The following SLC22A14 variants were observed in gnomAD, a reference collection of about 807,000 sequenced individuals.
SLC22A14 encodes organic cation transporter-like 4.
SLC22A14 carries 50 observed loss-of-function variants against 53.9 expected under a neutral mutation model. The observed-to-expected ratio is 0.93, with a 90% CI of 0.74 to 1.17. SLC22A14 has a LOEUF of 1.17. SLC22A14 is among the 50% of genes most tolerant of loss of function. SLC22A14 has a pLI of 0.00. For synonymous variants in SLC22A14, 312 were observed against 303.0 expected, an observed-to-expected ratio of 1.03 and a Z score of -0.31; for missense variants, 671 against 734.7, an observed-to-expected ratio of 0.91 and a Z score of 1.00.
rs1266009945 is a variant in SLC22A14 at position 38,313,747 on chromosome 3, A to G, written c.1184A>G (p.Tyr395Cys). ...SCVWFTVSYT[Y>C]FTLSLRMREL... ...TCCAGGTTTACCGTCAGTTACACCT[A>G]TTTTACGTTGAGCCTGAGAATGAGA... is the stretch of plus-strand genomic sequence containing the variant. Residue 395 changes from tyrosine to cysteine, a missense_variant, in exon 8 of 11, where the codon TAT becomes TGT. Tyr to Cys is a radical substitution (Grantham distance 194). Transcript: ENST00000448498. The G allele has an allele frequency of 1.9e-6, 3 of 1,576,250 alleles. No homozygotes were observed. The highest frequency in any genetic ancestry group is 2.4e-5 in the East Asian group (1 of 42,076).
Position 38,306,365 on chromosome 3 carries a change from T to C in SLC22A14, c.339T>C (p.Ala113=), listed in dbSNP as rs762225721. Residue 113 remains alanine, a synonymous_variant, in exon 2 of 11, where the codon GCT becomes GCC. Coordinates refer to ENST00000448498, the MANE Select transcript of SLC22A14 (RefSeq NM_001320033.2). ...CAGTGGGCCCCCACCTGTCCAAAGC[T>C]GAGCAGCTGAATCTGACCATACCCC... ...ILAVGPHLSK[A]EQLNLTIPQA... 3 of 1,614,098 alleles carry C rather than the reference T, an allele frequency of 1.9e-6. No homozygotes were observed. Among genetic ancestry groups the C allele is most frequent in the East Asian group, 2.2e-5 (1 of 44,884 alleles).
chr3:38,305,927 C>T (rs1704286332), intron 1 of SLC22A14, 100 bp from the exon 2 acceptor site: 1 of 1,234,982 alleles, frequency 8.1e-7, no homozygotes, highest in Non-Finnish European at 1.1e-6. Flanking sequence ...CATATTGCTT[C>T]AAGCCAGAGG....
At chr3:38,279,635 A>ATTTT (rs34353478), upstream of SLC22A14, among the ~76,000 whole-genome samples, 1 of 144,846 alleles carries the variant, frequency 6.9e-6, no homozygotes, top group African/African-American at 2.5e-5. Context: ...GGGGAGAAAG[A>ATTTT]TTTTTTTTTT....
At chr3:38,303,576 G>A (rs1438939556) in intron 1 of SLC22A14, among the ~76,000 whole-genome samples, 1 of 150,956 alleles carries the variant, frequency 6.6e-6, no homozygotes, top group Non-Finnish European at 1.5e-5. Flanking sequence ...TTCTATCCTC[G>A]TGGGTTAGAA....
chr3:38,303,369 G>A (rs1704215231), intron 1 of SLC22A14, among the ~76,000 whole-genome samples: 1 of 152,024 alleles, frequency 6.6e-6, no homozygotes, highest in Non-Finnish European at 1.5e-5. Flanking sequence ...AGCACTTAAA[G>A]CTATAAACTT....
At chr3:38,312,842 C>T (rs746296146) in intron 5 of SLC22A14, among the ~76,000 whole-genome samples, 157 bp from the exon 6 acceptor site, 8 of 152,166 alleles carry the variant, frequency 5.3e-5, no homozygotes. Flanking sequence ...CAGGGAGGAG[C>T]AGAGGGCAGC....
At chr3:38,286,359 C>T (rs1703791389) in intron 1 of SLC22A14, among the ~76,000 whole-genome samples, 1 of 152,114 alleles carries the variant, frequency 6.6e-6, no homozygotes, top group African/African-American at 2.4e-5. Context: ...GTTTGTAGGC[C>T]ACACGAGTTT....
chr3:38,307,940 G>A lies in SLC22A14; in HGVS notation c.775+220G>A, dbSNP rs945381152. 3.5e-6 allele frequency: 2 copies of A among 577,690 alleles called. No homozygotes were observed. Among genetic ancestry groups the A allele is most frequent in the South Asian group, 2.0e-5 (1 of 49,660 alleles). The allele number at this position is 577,690 out of a possible 1,614,324, so 35.8% of individuals were successfully genotyped here. ...GGGGCCTAATTGGACAGGCAGAAGT[G>A]GAAGGGATCTCCGTTCCTGGCTGCC... On this transcript the variant is annotated intron_variant, in intron 4 of 10. Coordinates refer to ENST00000448498, the MANE Select transcript of SLC22A14 (RefSeq NM_001320033.2). The surrounding 1 kb of genome is among the most constrained non-coding windows in gnomAD (Gnocchi z 4.4).
chr3:38,309,030 G>A lies in SLC22A14; in HGVS notation c.852G>A (p.Val284=). 1.9e-6 allele frequency: 3 copies of A among 1,614,090 alleles called. No individual in the cohort carries two copies. The highest frequency in any genetic ancestry group is 1.7e-6 in the Non-Finnish European group (2 of 1,179,904). The change falls in exon 5 of 11, where the codon GTG becomes GTA. Residue 284 remains valine (V), a synonymous_variant. Transcript: ENST00000448498. ...ACTGCTTTTTCGCTGTTGGGGCCGT[G>A]TTGCTGACAGGGATCGCCTACAGTC... ...LGHCFFAVGA[V]LLTGIAYSLP...
chr3:38,298,004 T>C (rs897669435), intron 1 of SLC22A14, among the ~76,000 whole-genome samples: 14 of 152,348 alleles, frequency 9.2e-5, no homozygotes, highest in Middle Eastern at 3.4e-3. Context: ...CACTTATTAC[T>C]GCGGGATTCT....
chr3:38,283,741 A>G (rs1293195292), intron 1 of SLC22A14, among the ~76,000 whole-genome samples: 2 of 152,154 alleles, frequency 1.3e-5, no homozygotes, highest in African/African-American at 4.8e-5. Flanking sequence ...GAGCCAGTAG[A>G]ATCACTTGAA....
intron 5 of SLC22A14, among the ~76,000 whole-genome samples, chr3:38,311,709 A>T (rs1704472351): frequency 6.6e-6 from 1 of 152,182 alleles, no homozygotes; most frequent in East Asian, 1.9e-4. Context: ...GCTCTTTGCC[A>T]TTTTGTAGCA....
rs759696180 is a variant in SLC22A14, at chr3:38,316,508, C to A, written c.1717C>A (p.His573Asn). 2.5e-6 allele frequency: 4 copies of A among 1,613,982 alleles called. No homozygotes were observed. In the African/African-American group the frequency reaches 4.0e-5, roughly 16 times the overall value. Reference sequence around the variant, plus strand: ...TCAGCCCCTCTCCGAGAGCCTGAACCACTCCTCACAGATAAGGTAGGTGTG... The same window carrying A: ...TCAGCCCCTCTCCGAGAGCCTGAACAACTCCTCACAGATAAGGTAGGTGTG... ...RDQPLSESLNHSSQIRNKVKD... is the reference protein window; with the variant it reads ...RDQPLSESLNNSSQIRNKVKD... The change falls in exon 10 of 11, where the codon CAC becomes AAC. Residue 573 changes from histidine to asparagine, a missense_variant. By Grantham distance (68) the His-to-Asn change is moderately conservative. Transcript: ENST00000448498.
intron 10 of SLC22A14, among the ~76,000 whole-genome samples, chr3:38,316,784 G>T (rs2125894804): frequency 6.6e-6 from 1 of 152,304 alleles, no homozygotes; most frequent in Non-Finnish European, 1.5e-5. Flanking sequence ...GCCCCTGCCT[G>T]CCTGTCTGGA....
upstream of SLC22A14, among the ~76,000 whole-genome samples, chr3:38,281,892 G>A (rs969357159): frequency 3.3e-5 from 5 of 152,186 alleles, no homozygotes; most frequent in Non-Finnish European, 7.3e-5. Flanking sequence ...GGCAGAGGAG[G>A]CTTCTAGCTT....
chr3:38,301,089 G>T (rs975139372), intron 1 of SLC22A14, among the ~76,000 whole-genome samples: 1 of 152,094 alleles, frequency 6.6e-6, no homozygotes, highest in Non-Finnish European at 1.5e-5. Flanking sequence ...CAAATGCTGG[G>T]ATTACAGGCA....
chr3:38,281,861 G>A (rs1308141497), upstream of SLC22A14, among the ~76,000 whole-genome samples: 1 of 152,196 alleles, frequency 6.6e-6, no homozygotes, highest in African/African-American at 2.4e-5. Flanking sequence ...CATGAAGCTT[G>A]AAGCCCTGTT....
At chr3:38,310,130 C>T (rs910507406) in intron 5 of SLC22A14, among the ~76,000 whole-genome samples, 1 of 152,170 alleles carries the variant, frequency 6.6e-6, no homozygotes, top group Non-Finnish European at 1.5e-5. Context: ...GTAATCCCAA[C>T]ACTTTGGGAG....
upstream of SLC22A14, among the ~76,000 whole-genome samples, chr3:38,281,777 C>T (rs1703674585): frequency 6.6e-6 from 1 of 152,200 alleles, no homozygotes; most frequent in Admixed American, 6.5e-5. Flanking sequence ...TGTACTGGTA[C>T]AAGGATGGTC....
Sources: allele counts gnomAD v4.1 joint callset (sites outside exome capture counted in the v4.1 genomes callset), GRCh38; gene constraint gnomAD v4.1.1; non-coding constraint Gnocchi (gnomAD v3.1); transcripts MANE v1.5; gene names NCBI Gene and HGNC (gene_info 2026-07-23, HGNC 2026-07-21).